The following PTK7 variants were observed in gnomAD, a reference collection of about 807,000 sequenced individuals.
PTK7 encodes inactive tyrosine-protein kinase 7.
In PTK7, 39 loss-of-function variants were observed where a neutral mutation model predicts 116.6. The observed-to-expected ratio is 0.33, with a 90% CI of 0.26 to 0.44. The LOEUF (loss-of-function observed/expected upper bound fraction) is 0.44, where lower values mean the gene tolerates loss of function less well. PTK7 is among the 20% of genes least tolerant of loss of function. The pLI is 1.00. For missense variants in PTK7, 1,169 were observed against 1,425.6 expected, an observed-to-expected ratio of 0.82 and a Z score of 2.90; for synonymous variants, 546 against 563.6, an observed-to-expected ratio of 0.97 and a Z score of 0.44.
At chr6:43,118,906 C>T (rs1768780205) in intron 1 of PTK7, among the ~76,000 whole-genome samples, 1 of 150,656 alleles carries the variant, frequency 6.6e-6, no homozygotes, top group Non-Finnish European at 1.5e-5. Flanking sequence ...GTAGCTGGGA[C>T]GACAGGTGGG....
rs1052815337 is a variant in PTK7 at position 43,076,633 on chromosome 6, C to T, written c.79+66C>T. On this transcript the variant is annotated intron_variant, in intron 1 of 19. Transcript: ENST00000230419. This position sits in a 1 kb window ranked among gnomAD's most constrained non-coding sequence, Gnocchi z 5.7. ...CGGGAGTCCCGTGGGCAAAAGGCTG[C>T]GCCCGGGGCGGTGGGTTTGGGCGGC... 3 of 1,494,898 alleles carry T rather than the reference C, an allele frequency of 2.0e-6. No homozygotes were observed. Among genetic ancestry groups the T allele is most frequent in the Non-Finnish European group, 1.8e-6 (2 of 1,117,912 alleles). 92.6% of individuals were successfully genotyped at this position (1,494,898 alleles called of 1,614,324 possible).
chr6:43,150,715 C>T (rs1771010031), intron 17 of PTK7, among the ~76,000 whole-genome samples: 1 of 150,984 alleles, frequency 6.6e-6, no homozygotes, highest in African/African-American at 2.4e-5. Flanking sequence ...CAGCCTGGCC[C>T]CTTTACCACC....
intron 1 of PTK7, among the ~76,000 whole-genome samples, chr6:43,102,662 G>A (rs1431480878): frequency 6.7e-6 from 1 of 150,346 alleles, no homozygotes; most frequent in East Asian, 1.9e-4. Context: ...CTCAATAGAG[G>A]CAAAAATGAC....
chr6:43,117,673 C>T (rs1219498772), intron 1 of PTK7, among the ~76,000 whole-genome samples: 2 of 152,058 alleles, frequency 1.3e-5, no homozygotes, highest in South Asian at 4.2e-4. Flanking sequence ...CCAGTCTGTC[C>T]GCCAGGCAGG....
intron 1 of PTK7, among the ~76,000 whole-genome samples, chr6:43,089,909 G>T (rs1374045188): frequency 6.6e-6 from 1 of 152,220 alleles, no homozygotes; most frequent in Non-Finnish European, 1.5e-5. Context: ...AAAACAGGGT[G>T]GGGACCTTGT....
At chr6:43,099,712 G>A (rs1047908642) in intron 1 of PTK7, among the ~76,000 whole-genome samples, 9 of 152,110 alleles carry the variant, frequency 5.9e-5, no homozygotes, top group Non-Finnish European at 1.0e-4. Context: ...AATATTTATC[G>A]GGGTTACCAT....
In PTK7 at chr6:43,098,706, G is replaced by T. The variant is rs1272787758; in HGVS notation, c.79+22139G>T. ...AACGGTATGCTACTAGAATTGAAAA[G>T]CAAGAAATATGCTTTGCAGATCATA... On this transcript the variant is annotated intron_variant, in intron 1 of 19. Coordinates refer to ENST00000230419, the MANE Select transcript of PTK7 (RefSeq NM_002821.5). Among the ~76,000 whole-genome samples the T allele has an allele frequency of 2.6e-5, 4 of 152,224 alleles. No homozygotes were observed. In the East Asian group the frequency reaches 7.7e-4, roughly 29 times the overall value.
intron 1 of PTK7, among the ~76,000 whole-genome samples, chr6:43,126,555 C>T (rs554644713): frequency 2.0e-5 from 3 of 152,306 alleles, no homozygotes; most frequent in African/African-American, 4.8e-5. Context: ...ACCTGGCAGT[C>T]GGGAATGTGA....
At position 43,139,211 on chromosome 6, in the gene PTK7, C is replaced by T. The variant is rs2150445127; in HGVS notation, c.1438C>T (p.Arg480Cys). The T allele has an allele frequency of 1.4e-5, 22 of 1,614,170 alleles. No homozygotes were observed. The highest frequency in any genetic ancestry group is 2.2e-5 in the East Asian group (1 of 44,878). Residue 480 changes from arginine to cysteine, a missense_variant, in exon 9 of 20, where the codon CGT becomes TGT. Around this residue, in one of 3 missense-constraint regions of PTK7, gnomAD observed 678 missense variants for 853.8 expected, o/e 0.79. Coordinates refer to ENST00000230419, the MANE Select transcript of PTK7 (RefSeq NM_002821.5). This position sits in a 1 kb window ranked among gnomAD's most constrained non-coding sequence, Gnocchi z 4.6. ...SVEVYDGTWY[R>C]CMSSTPAGSI... is the part of the protein sequence containing the mutation. ...GGAGGTGTATGATGGGACATGGTAC[C>T]GTTGTATGAGCAGCACCCCAGCCGG...
In PTK7 at chr6:43,129,704, T is replaced by G; in HGVS notation, c.368-23T>G. On this transcript the variant is annotated intron_variant, in intron 2 of 19. Transcript: ENST00000230419. The surrounding 1 kb of genome is among the most constrained non-coding windows in gnomAD (Gnocchi z 4.5). Reference sequence around the variant, plus strand: ...GCCTTTGCCCTGCTCTGCCCCTCACTGCAACCGTGGCCTCTGCTACAGGGA... The same window carrying G: ...GCCTTTGCCCTGCTCTGCCCCTCACGGCAACCGTGGCCTCTGCTACAGGGA... 1 of 1,610,378 alleles carries G rather than the reference T, an allele frequency of 6.2e-7. No homozygotes were observed. The highest frequency in any genetic ancestry group is 8.5e-7 in the Non-Finnish European group (1 of 1,176,710).
intron 1 of PTK7, among the ~76,000 whole-genome samples, chr6:43,082,249 C>T (rs573846052): frequency 3.9e-5 from 6 of 152,268 alleles, no homozygotes; most frequent in Non-Finnish European, 7.4e-5. Context: ...GATCTTGGCT[C>T]ACTGCAACCT....
In PTK7 at chr6:43,132,182, G is replaced by A. The variant is rs1198971266; in HGVS notation, c.961+18G>A. ...CCTAGCAGGTGAGTCTCTGGGTCTG[G>A]GGTGCTGATGTGGGAGGCTGCCTTT... is the stretch of plus-strand genomic sequence containing the variant. On this transcript the variant is annotated intron_variant, in intron 6 of 19. Transcript: ENST00000230419. 6 of 1,589,396 alleles carry A rather than the reference G, an allele frequency of 3.8e-6. No individual in the cohort carries two copies. Among genetic ancestry groups the A allele is most frequent in the Non-Finnish European group, 5.2e-6 (6 of 1,164,672 alleles).
At chr6:43,118,665 A>ATG (rs1768740378) in intron 1 of PTK7, among the ~76,000 whole-genome samples, 1 of 62,790 alleles carries the variant, frequency 1.6e-5, no homozygotes, top group African/African-American at 7.4e-5. Context: ...CTCTCTATAT[A>ATG]TATATATATA....
chr6:43,135,177 T>C (rs903037836), intron 7 of PTK7, among the ~76,000 whole-genome samples: 3 of 152,162 alleles, frequency 2.0e-5, no homozygotes, highest in African/African-American at 4.8e-5. Flanking sequence ...CATGCCAGTG[T>C]CCCTTGCTGT....
chr6:43,109,103 A>ATT (rs1395514924), intron 1 of PTK7, among the ~76,000 whole-genome samples: 138 of 152,282 alleles, frequency 9.1e-4, no homozygotes, highest in African/African-American at 3.2e-3. Flanking sequence ...TTTTAAACCT[A>ATT]TTTGATGTGT....
At chr6:43,086,710 G>C (rs1766677407) in intron 1 of PTK7, among the ~76,000 whole-genome samples, 1 of 152,090 alleles carries the variant, frequency 6.6e-6, no homozygotes, top group Non-Finnish European at 1.5e-5. Flanking sequence ...GGTGGTGCAC[G>C]CCTGTAGTCT....
intron 17 of PTK7, among the ~76,000 whole-genome samples, chr6:43,147,818 G>A (rs930612439): frequency 1.3e-5 from 2 of 152,192 alleles, no homozygotes; most frequent in Admixed American, 6.5e-5. Context: ...GAAACTGCAG[G>A]AACTGTGTAT....
In PTK7 at chr6:43,145,115, G is replaced by A. The variant is rs1366113387; in HGVS notation, c.2408-85G>A. ...CAGCCCAGGTGGGTGGGTCCCCACT[G>A]TGGGAGAGGCTAGGCCCCTCCCCCA... On this transcript the variant is annotated intron_variant, in intron 15 of 19. Transcript: ENST00000230419. This position sits in a 1 kb window ranked among gnomAD's most constrained non-coding sequence, Gnocchi z 4.8. 3.9e-6 allele frequency: 5 copies of A among 1,296,598 alleles called. No individual in the cohort carries two copies. Among genetic ancestry groups the A allele is most frequent in the Non-Finnish European group, 5.3e-6 (5 of 941,450 alleles). The allele number at this position is 1,296,598 out of a possible 1,614,324, so 80.3% of individuals were successfully genotyped here.
intron 1 of PTK7, among the ~76,000 whole-genome samples, chr6:43,113,915 G>A (rs1768338321): frequency 6.6e-6 from 1 of 152,234 alleles, no homozygotes; most frequent in Non-Finnish European, 1.5e-5. Context: ...TAGAGCCTCC[G>A]CCCCTCTCTT....
Sources: gnomAD v4.1 joint callset for allele counts (sites outside exome capture counted in the v4.1 genomes callset) on GRCh38, gnomAD v4.1.1 for gene constraint, gnomAD v4.1.1 regional missense constraint, Gnocchi (gnomAD v3.1) non-coding constraint, MANE v1.5 for transcripts, NCBI Gene and HGNC (gene_info 2026-07-23, HGNC 2026-07-21) for gene names.